Variants in SMAD3 observed in about 807,000 individuals in gnomAD.
SMAD3 encodes the protein MAD homolog 3.
In SMAD3, 12 loss-of-function variants were observed where a neutral mutation model predicts 51.8. The observed-to-expected ratio is 0.23, with a 90% CI of 0.15 to 0.38. SMAD3 has a LOEUF of 0.38. Among genes scored for constraint, SMAD3 ranks in the 10% least tolerant of loss-of-function variants. SMAD3 has a pLI of 1.00. For missense variants in SMAD3, 294 were observed against 565.6 expected (o/e 0.52, Z 4.87); for synonymous variants, 238 against 227.7 (o/e 1.05, Z -0.41).
chr15:67,137,217 T>C (rs1381813089), intron 1 of SMAD3, among the ~76,000 whole-genome samples: 1 of 152,244 alleles, frequency 6.6e-6, no homozygotes, highest in Non-Finnish European at 1.5e-5. Flanking sequence ...TGTCATTTTT[T>C]TTCCCAGTAG....
rs899053268 is a variant in SMAD3, at chr15:67,095,094, G to C, written c.206+28734G>C. Among the ~76,000 whole-genome samples, 3 of 137,084 alleles carry C rather than the reference G, an allele frequency of 2.2e-5. No homozygotes were observed. The East Asian group carries it at 6.9e-4, about 32-fold the overall frequency. The allele number at this position is 137,084 out of a possible 152,430, so 89.9% of individuals were successfully genotyped here. ...CCACCTTGCTGTGAGCTGGTAAATG[G>C]TTGGTTGGTCCCTTCCTCTCCCCTT... On this transcript the variant is annotated intron_variant, in intron 1 of 8. Transcript: ENST00000327367.
At chr15:67,183,027 A>ATTTTTTTTTTT (rs1567000847) in intron 6 of SMAD3, among the ~76,000 whole-genome samples, 2 of 63,840 alleles carry the variant, frequency 3.1e-5, no homozygotes, top group Admixed American at 2.5e-4. Context: ...ATATATATAT[A>ATTTTTTTTTTT]TATATTTTTT....
chr15:67,139,376 G>A (rs1375416621), intron 1 of SMAD3, among the ~76,000 whole-genome samples: 1 of 152,128 alleles, frequency 6.6e-6, no homozygotes, highest in Non-Finnish European at 1.5e-5. Flanking sequence ...GCTCTTGCCA[G>A]AATTTTTATT....
At chr15:67,127,826 T>TG (rs1378165005) in intron 1 of SMAD3, among the ~76,000 whole-genome samples, 1 of 151,688 alleles carries the variant, frequency 6.6e-6, no homozygotes, top group African/African-American at 2.4e-5. Flanking sequence ...AAGGCTAGAG[T>TG]GGATGGCTAG....
Position 67,191,095 on chromosome 15 carries a change from T to G in SMAD3, c.*559T>G, listed in dbSNP as rs1473995304. 7.2e-6 allele frequency: 1 copy of G among 138,316 alleles called. No homozygotes were observed. Among genetic ancestry groups the G allele is most frequent in the Non-Finnish European group, 1.4e-5 (1 of 71,200 alleles). The allele number at this position is 138,316 out of a possible 1,614,324, so 8.6% of individuals were successfully genotyped here. A position where few individuals can be genotyped will look rare whatever the true frequency, so the allele number is the denominator to read the frequency against. On this transcript the variant is annotated 3_prime_UTR_variant, in exon 9 of 9. Transcript: ENST00000327367. ...CTTGCCCCTTGTGAGCTGGATAGAC[T>G]TGGGATGGGGAGGGAGGGAGTTTTG... is the stretch of plus-strand genomic sequence containing the variant.
rs551582721 is a variant in SMAD3, at chr15:67,113,312, G to C, written c.206+46952G>C. 2.0e-3 allele frequency among the ~76,000 whole-genome samples: 301 copies of C among 150,042 alleles called. 1 individual carries two copies. Among genetic ancestry groups the C allele is most frequent in the Non-Finnish European group, 3.6e-3 (244 of 67,708 alleles). ...TCACCGTGTTAGCCAGGATGGTCTC[G>C]ATCTCTTGACCTCGTGATCCACCCA... On this transcript the variant is annotated intron_variant, in intron 1 of 8. Coordinates refer to ENST00000327367, the MANE Select transcript of SMAD3 (RefSeq NM_005902.4).
chr15:67,184,705 A>T (rs1252948725), intron 6 of SMAD3, 22 bp from the exon 7 acceptor site: 2 of 1,613,818 alleles, frequency 1.2e-6, no homozygotes, highest in Admixed American at 3.3e-5. Context: ...CACCCTGTCC[A>T]GTCTAACCTG....
At chr15:67,183,029 A>ATTTTTTTTTTTTTT (rs1567000858) in intron 6 of SMAD3, among the ~76,000 whole-genome samples, 1 of 48,108 alleles carries the variant, frequency 2.1e-5, no homozygotes, top group African/African-American at 1.0e-4. Context: ...ATATATATAT[A>ATTTTTTTTTTTTTT]TATTTTTTTT....
rs1595969031 is a variant in SMAD3 at position 67,193,303 on chromosome 15, T to G, written c.*2767T>G. 4.3e-6 allele frequency: 1 copy of G among 233,358 alleles called. No homozygotes were observed. The highest frequency in any genetic ancestry group is 1.8e-4 in the South Asian group (1 of 5,532). 14.5% of individuals were successfully genotyped at this position (233,358 alleles called of 1,614,324 possible). ...ACGACCGCGTGTGTTGCCCCTGCCC[T>G]GGGCTCCCCGCCATGACATCTTCAC... On this transcript the variant is annotated 3_prime_UTR_variant, in exon 9 of 9. Transcript: ENST00000327367.
Position 67,194,360 on chromosome 15 carries a change from T to A in SMAD3, c.*3824T>A, listed in dbSNP as rs959837459. The A allele has an allele frequency of 4.3e-6, 1 of 233,186 alleles. No individual in the cohort carries two copies. The highest frequency in any genetic ancestry group is 8.5e-6 in the Non-Finnish European group (1 of 117,948). The allele number at this position is 233,186 out of a possible 1,614,324, so 14.4% of individuals were successfully genotyped here. ...AGAGGACATGGATCCAAAATGATGATGAAGCATCTCCCATGGGGAGGTGAT... is the reference window on the plus strand; with the variant it reads ...AGAGGACATGGATCCAAAATGATGAAGAAGCATCTCCCATGGGGAGGTGAT... On this transcript the variant is annotated 3_prime_UTR_variant, in exon 9 of 9. Coordinates refer to ENST00000327367, the MANE Select transcript of SMAD3 (RefSeq NM_005902.4).
At chr15:67,170,458 G>T in intron 4 of SMAD3, 96 bp from the exon 5 acceptor site, 1 of 1,015,926 alleles carries the variant, frequency 9.8e-7, no homozygotes. Context: ...TTTCTGCTGT[G>T]TTGGGCTACC....
At chr15:67,110,189 A>T (rs1217556913) in intron 1 of SMAD3, among the ~76,000 whole-genome samples, 1 of 152,090 alleles carries the variant, frequency 6.6e-6, no homozygotes, top group Non-Finnish European at 1.5e-5. Flanking sequence ...TAATTAGGAT[A>T]CTGGCTGTAC....
At chr15:67,135,094 C>T (rs1961625170) in intron 1 of SMAD3, among the ~76,000 whole-genome samples, 1 of 152,070 alleles carries the variant, frequency 6.6e-6, no homozygotes, top group Non-Finnish European at 1.5e-5. Flanking sequence ...ACAGAGCTGG[C>T]CTGGTTTTGG....
chr15:67,085,334 A>G (rs997400270), intron 1 of SMAD3, among the ~76,000 whole-genome samples: 2 of 152,168 alleles, frequency 1.3e-5, no homozygotes, highest in Non-Finnish European at 2.9e-5. Context: ...TGGGTGAGTC[A>G]CTTTTCTGCC....
chr15:67,081,004 G>A (rs948383324), intron 1 of SMAD3, among the ~76,000 whole-genome samples: 55 of 152,212 alleles, frequency 3.6e-4, no homozygotes, highest in African/African-American at 1.3e-3. Context: ...GAGCTCCAAG[G>A]AGAGCAGTTG....
intron 1 of SMAD3, among the ~76,000 whole-genome samples, chr15:67,153,546 C>T (rs1962204113): frequency 6.6e-6 from 1 of 152,148 alleles, no homozygotes; most frequent in South Asian, 2.1e-4. Flanking sequence ...AGAGCATTTC[C>T]TTAGCCCAGG....
chr15:67,126,004 G>T (rs1961377168), intron 1 of SMAD3: 2 of 984,592 alleles, frequency 2.0e-6, no homozygotes, highest in Non-Finnish European at 2.4e-6. Flanking sequence ...ATCTTATTTG[G>T]CAGGGTGGGT....
chr15:67,152,188 A>G (rs1201791898), intron 1 of SMAD3, among the ~76,000 whole-genome samples: 1 of 152,140 alleles, frequency 6.6e-6, no homozygotes, highest in Non-Finnish European at 1.5e-5. Context: ...TGTTTTTACA[A>G]AGTTAGAGTT....
chr15:67,084,251 T>A (rs1399701124), intron 1 of SMAD3, among the ~76,000 whole-genome samples: 1 of 151,512 alleles, frequency 6.6e-6, no homozygotes, highest in Non-Finnish European at 1.5e-5. Context: ...AATTTTTTTT[T>A]TTTGTATTTT....
Sources: gnomAD v4.1 joint callset for allele counts (sites outside exome capture counted in the v4.1 genomes callset) on GRCh38, gnomAD v4.1.1 for gene constraint, MANE v1.5 for transcripts, NCBI Gene and HGNC (gene_info 2026-07-23, HGNC 2026-07-21) for gene names.